The following RRAGD variants were observed in gnomAD, a reference collection of about 807,000 sequenced individuals.
RRAGD encodes the protein ras-related GTP-binding protein D.
A neutral mutation model predicts 35.5 loss-of-function variants in RRAGD; 12 were observed. That is an observed-to-expected ratio of 0.34 (90% CI 0.22 to 0.55). The LOEUF (loss-of-function observed/expected upper bound fraction) is 0.55. RRAGD is among the 20% of genes least tolerant of loss of function. The probability of loss-of-function intolerance (pLI) is 0.91; values close to 1 mark genes in which losing one functional copy is unlikely to be tolerated. For synonymous variants in RRAGD, 155 were observed against 178.9 expected (o/e 0.87, Z 1.07); for missense variants, 324 against 490.1 (o/e 0.66, Z 3.20).
intron 5 of RRAGD, 78 bp downstream of exon 5, chr6:89,377,593 T>C: frequency 7.7e-7 from 1 of 1,295,420 alleles, no homozygotes; most frequent in East Asian, 2.7e-5. Flanking sequence ...GTTAAGTAAG[T>C]AAATGTAAAT....
intron 6 of RRAGD, 90 bp from the exon 7 acceptor site, chr6:89,368,297 G>A: frequency 8.6e-7 from 1 of 1,165,050 alleles, no homozygotes; most frequent in Non-Finnish European, 1.2e-6. Flanking sequence ...AGCCAGTAGG[G>A]GGCAGTAGAG....
chr6:89,405,430 T>C (rs1769560337), intron 1 of RRAGD, among the ~76,000 whole-genome samples: 1 of 151,224 alleles, frequency 6.6e-6, no homozygotes, highest in Admixed American at 6.6e-5. Context: ...AAGTACTAGG[T>C]TAGTGTCAGA....
chr6:89,375,200 C>A (rs1340527886), intron 5 of RRAGD, among the ~76,000 whole-genome samples: 1 of 152,036 alleles, frequency 6.6e-6, no homozygotes, highest in Non-Finnish European at 1.5e-5. Flanking sequence ...CACTGACTGT[C>A]TCTAGGTGGT....
At chr6:89,392,568 C>T (rs1339308860) in intron 1 of RRAGD, among the ~76,000 whole-genome samples, 4 of 151,908 alleles carry the variant, frequency 2.6e-5, no homozygotes, top group Admixed American at 2.6e-4. Flanking sequence ...AACTATACCT[C>T]ATCATGTCTT....
At chr6:89,378,568 A>G (rs1261419297) in intron 4 of RRAGD, among the ~76,000 whole-genome samples, 2 of 152,212 alleles carry the variant, frequency 1.3e-5, no homozygotes, top group Admixed American at 6.5e-5. Flanking sequence ...GGTGATGTGT[A>G]GGGTTCATTC....
At chr6:89,395,224 A>G (rs972859767) in intron 1 of RRAGD, among the ~76,000 whole-genome samples, 2 of 152,176 alleles carry the variant, frequency 1.3e-5, no homozygotes, top group African/African-American at 4.8e-5. Context: ...GTGCCACTGC[A>G]CTCCAGCCTG....
chr6:89,411,790 A>C lies in RRAGD; in HGVS notation c.148+56T>G. On this transcript the variant is annotated intron_variant, in intron 1 of 6. Transcript: ENST00000369415. The surrounding 1 kb of genome is among the most constrained non-coding windows in gnomAD (Gnocchi z 5.6). ...GCGCACGGCCGGGCTGGGGGCGGGA[A>C]GGCGCCAAGGGGAGGAAAGGGGCGC... 1.3e-5 allele frequency: 19 copies of C among 1,470,522 alleles called. No homozygotes were observed. The highest frequency in any genetic ancestry group is 1.6e-5 in the Non-Finnish European group (18 of 1,097,864). 91.1% of individuals were successfully genotyped at this position (1,470,522 alleles called of 1,614,324 possible). A position where few individuals can be genotyped will look rare whatever the true frequency, so the allele number is the denominator to read the frequency against.
chr6:89,399,620 A>G (rs772099597), intron 1 of RRAGD, among the ~76,000 whole-genome samples: 4 of 151,832 alleles, frequency 2.6e-5, no homozygotes, highest in African/African-American at 9.7e-5. Context: ...AAAAATATAT[A>G]TTTTTTTTAA....
intron 1 of RRAGD, among the ~76,000 whole-genome samples, chr6:89,409,135 T>G (rs854924): frequency 1.3e-5 from 2 of 152,254 alleles, no homozygotes; most frequent in Non-Finnish European, 2.9e-5. Context: ...TGTGGTAAAA[T>G]TTACAAGGCA....
intron 2 of RRAGD, among the ~76,000 whole-genome samples, chr6:89,381,780 T>C (rs1386693487): frequency 6.6e-6 from 1 of 152,200 alleles, no homozygotes; most frequent in Non-Finnish European, 1.5e-5. Context: ...CTATAATTTA[T>C]ATTTGCCTGC....
rs978218847 is a variant in RRAGD, at chr6:89,387,574, G to A, written c.165C>T (p.Asp55=). The A allele has an allele frequency of 1.2e-6, 2 of 1,612,976 alleles. No homozygotes were observed. The highest frequency in any genetic ancestry group is 2.7e-5 in the African/African-American group (2 of 74,860). Residue 55 remains aspartate (D), a synonymous_variant, in exon 2 of 7, where the codon GAC becomes GAT. Transcript: ENST00000369415. Reference sequence around the variant, plus strand: ...TCGGCTTCACTTCAGTGCTGAAGGGGTCACTGAAGTCCAGAACTGGAGAAA... The same window carrying A: ...TCGGCTTCACTTCAGTGCTGAAGGGATCACTGAAGTCCAGAACTGGAGAAA... The part of the protein sequence containing the change: ...GTEEGVLDFS[D]PFSTEVKPRI...
intron 1 of RRAGD, among the ~76,000 whole-genome samples, chr6:89,402,100 T>G (rs1562465289): frequency 7.8e-6 from 1 of 128,176 alleles, no homozygotes; most frequent in Non-Finnish European, 1.6e-5. Context: ...CAGGCTAGAG[T>G]GTAGTGGTGC....
chr6:89,369,051 G>A (rs764249311), intron 6 of RRAGD, among the ~76,000 whole-genome samples: 2 of 152,000 alleles, frequency 1.3e-5, no homozygotes, highest in East Asian at 1.9e-4. Context: ...TTCTAGAGCC[G>A]CGTCCAAAGG....
chr6:89,378,163 G>A (rs1448587649), intron 4 of RRAGD, among the ~76,000 whole-genome samples: 13 of 152,072 alleles, frequency 8.5e-5, no homozygotes, highest in East Asian at 7.7e-4. Context: ...TTAGCCAGGC[G>A]TGGTGGTGCA....
chr6:89,399,156 A>G (rs1769399512), intron 1 of RRAGD, among the ~76,000 whole-genome samples: 1 of 152,200 alleles, frequency 6.6e-6, no homozygotes, highest in African/African-American at 2.4e-5. Flanking sequence ...TGGTATGATC[A>G]TCCACGCTGA....
At chr6:89,383,533 T>C (rs1001902045) in intron 2 of RRAGD, among the ~76,000 whole-genome samples, 3 of 152,168 alleles carry the variant, frequency 2.0e-5, no homozygotes, top group African/African-American at 7.2e-5. Context: ...GATCTGGGGA[T>C]TATGGGCAGG....
At chr6:89,394,614 T>A (rs564916667) in intron 1 of RRAGD, among the ~76,000 whole-genome samples, 1 of 152,168 alleles carries the variant, frequency 6.6e-6, no homozygotes, top group East Asian at 1.9e-4. Context: ...CCAAAATGAG[T>A]ACAATGTAAT....
rs1769039496 is a variant in RRAGD, at chr6:89,381,360, AC to A, written c.445-994del. 2.0e-5 allele frequency among the ~76,000 whole-genome samples: 3 copies of A among 152,144 alleles called. No individual in the cohort carries two copies. In the South Asian group the frequency reaches 6.2e-4, roughly 32 times the overall value. On this transcript the variant is annotated intron_variant, in intron 2 of 6. Transcript: ENST00000369415. ...GTCTAGAGGAATTGCCCCAAACAAT[AC>A]TAACTTTTTTCTTCTTCCCATGCCT...
chr6:89,376,921 T>C (rs1017373778), intron 5 of RRAGD, among the ~76,000 whole-genome samples: 1 of 152,218 alleles, frequency 6.6e-6, no homozygotes, highest in Non-Finnish European at 1.5e-5. Flanking sequence ...CACTTATACA[T>C]GGATTTTCTT....
Sources: gnomAD v4.1 joint callset for allele counts (sites outside exome capture counted in the v4.1 genomes callset) on GRCh38, gnomAD v4.1.1 for gene constraint, Gnocchi (gnomAD v3.1) non-coding constraint, MANE v1.5 for transcripts, NCBI Gene and HGNC (gene_info 2026-07-23, HGNC 2026-07-21) for gene names.